Variants in NAP1L1 observed in about 807,000 individuals in gnomAD.
NAP1L1 encodes nucleosome assembly protein 1 like 1.
Under a neutral mutation model 58.9 loss-of-function variants are expected in NAP1L1, and 9 were observed. The observed-to-expected ratio is 0.15, with a 90% CI of 0.09 to 0.27. The LOEUF is 0.27. NAP1L1 is among the 10% of genes least tolerant of loss of function. The pLI is 1.00. For synonymous variants in NAP1L1, 130 were observed against 138.3 expected (o/e 0.94, Z 0.42); for missense variants, 302 against 458.8 (o/e 0.66, Z 3.12).
chr12:76,066,149 C>T (rs894653560), intron 4 of NAP1L1, among the ~76,000 whole-genome samples: 5 of 132,286 alleles, frequency 3.8e-5, no homozygotes, highest in Non-Finnish European at 8.3e-5. Context: ...AACAAACAAA[C>T]AAACAAACCT....
At chr12:76,069,016 C>A (rs374742765) in intron 2 of NAP1L1, 22 bp from the exon 3 acceptor site, 3 of 1,551,236 alleles carry the variant, frequency 1.9e-6, no homozygotes, top group African/African-American at 2.8e-5. Flanking sequence ...TAGTATCACA[C>A]CAAGGTTCAA....
intron 2 of NAP1L1, among the ~76,000 whole-genome samples, chr12:76,073,575 T>C (rs1382217751): frequency 2.0e-5 from 3 of 152,330 alleles, no homozygotes; most frequent in Admixed American, 6.5e-5. Context: ...TCCTATCTTA[T>C]AGCCTTCAAT....
intron 11 of NAP1L1, among the ~76,000 whole-genome samples, chr12:76,051,878 A>G (rs1948848269): frequency 6.6e-6 from 1 of 151,786 alleles, no homozygotes; most frequent in Non-Finnish European, 1.5e-5. Context: ...AGCGAGTTCA[A>G]TGGCACGTGC....
rs777782468 is a variant in NAP1L1 at position 76,048,453 on chromosome 12, G to T, written c.1152C>A (p.Asn384Lys). Residue 384 changes from asparagine (N) to lysine (K), a missense_variant, in exon 15 of 15, where the codon AAC becomes AAA. Coordinates refer to ENST00000618691, the MANE Select transcript of NAP1L1 (RefSeq NM_004537.7). ...TTCACTGCTGCTTGCACTCTGCTGG[G>T]TTTTGATCCTTCTGTTAAAGGAAAA... ...DPDYDPKKDQ[N>K]PAECKQQ 9.3e-6 allele frequency: 15 copies of T among 1,613,706 alleles called. No individual in the cohort carries two copies. The South Asian group carries it at 1.6e-4, about 18-fold the overall frequency.
chr12:76,048,296 T>C lies in NAP1L1; in HGVS notation c.*133A>G, dbSNP rs1948667832. The C allele has an allele frequency of 8.5e-6, 8 of 936,918 alleles. No individual in the cohort carries two copies. Among genetic ancestry groups the C allele is most frequent in the South Asian group, 8.5e-5 (5 of 58,742 alleles). The allele number at this position is 936,918 out of a possible 1,614,324, so 58.0% of individuals were successfully genotyped here. ...GTAGAACAAATTGGTCTTTAAAATA[T>C]CAGTTTCCTGTCCTTTAAAAAAAAA... is the stretch of plus-strand genomic sequence containing the variant. On this transcript the variant is annotated 3_prime_UTR_variant, in exon 15 of 15. Coordinates refer to ENST00000618691, the MANE Select transcript of NAP1L1 (RefSeq NM_004537.7).
intron 6 of NAP1L1, among the ~76,000 whole-genome samples, chr12:76,058,436 G>C (rs1175767802): frequency 6.7e-6 from 1 of 150,116 alleles, no homozygotes. Flanking sequence ...GCCTGGGCTG[G>C]AGCGCAGTGG....
chr12:76,057,472 G>A (rs542224999), intron 6 of NAP1L1: 253 of 640,166 alleles, frequency 4.0e-4, no homozygotes, highest in Non-Finnish European at 6.2e-4. Context: ...TGCATTTGTC[G>A]GCTCAGCTGG....
At chr12:76,052,021 A>AAAT (rs1222361518) in intron 11 of NAP1L1, among the ~76,000 whole-genome samples, 6 of 152,042 alleles carry the variant, frequency 3.9e-5, no homozygotes, top group African/African-American at 1.2e-4. Context: ...CTCAAAAAAA[A>AAAT]AATAATAATA....
intron 6 of NAP1L1, 97 bp from the exon 7 acceptor site, chr12:76,056,258 T>C (rs906028649): frequency 3.0e-5 from 37 of 1,247,524 alleles, no homozygotes; most frequent in Non-Finnish European, 4.1e-5. Context: ...TCACCAGATA[T>C]TACCTTCAAA....
intron 4 of NAP1L1, among the ~76,000 whole-genome samples, chr12:76,061,346 A>C (rs562038064): frequency 1.3e-5 from 2 of 152,246 alleles, no homozygotes; most frequent in Non-Finnish European, 2.9e-5. Context: ...AGTTCTCATC[A>C]TTTAGCTCCT....
At chr12:76,076,549 A>AATATATATATATATATATTATAT (rs1950178366) in intron 1 of NAP1L1, among the ~76,000 whole-genome samples, 1 of 120,610 alleles carries the variant, frequency 8.3e-6, no homozygotes, top group Non-Finnish European at 1.7e-5. Flanking sequence ...TGGATATGGA[A>AATATATATATATATATATTATAT]ATATATATAT....
At chr12:76,055,152 T>G in intron 7 of NAP1L1, 62 bp from the exon 8 acceptor site, 1 of 1,133,168 alleles carries the variant, frequency 8.8e-7, no homozygotes, top group South Asian at 1.4e-5. Context: ...GTTCTGTTAC[T>G]ACACAAACAC....
chr12:76,074,216 C>G lies in NAP1L1; in HGVS notation c.4G>C (p.Ala2Pro). The G allele has an allele frequency of 6.3e-7, 1 of 1,599,060 alleles. No homozygotes were observed. Among genetic ancestry groups the G allele is most frequent in the Non-Finnish European group, 8.5e-7 (1 of 1,172,362 alleles). Reference sequence around the variant, plus strand: ...TCTGCCACTTACTTGTCAATGTCTGCCATGTTGTAAGAACTCCAAATATCT... The same window carrying G: ...TCTGCCACTTACTTGTCAATGTCTGGCATGTTGTAAGAACTCCAAATATCT... M[A>P]DIDNKEQSEL... The change falls in exon 2 of 15, where the codon GCA (alanine) becomes CCA (proline). Residue 2 changes from alanine (A) to proline (P), a missense_variant. By Grantham distance (27) the Ala-to-Pro change is conservative. Transcript: ENST00000618691.
rs1197502542 is a variant in NAP1L1, at chr12:76,074,821, T to A, written c.-20-582A>T. Among the ~76,000 whole-genome samples the A allele has an allele frequency of 2.0e-5, 3 of 152,300 alleles. No individual in the cohort carries two copies. In the East Asian group the frequency reaches 5.8e-4, roughly 29 times the overall value. Reference sequence around the variant, plus strand: ...CTATTTCAAAAGCTCTAGGTCCCAATCTTAATGTTAGGTAAGCCTTCCCTA... The same window carrying A: ...CTATTTCAAAAGCTCTAGGTCCCAAACTTAATGTTAGGTAAGCCTTCCCTA... On this transcript the variant is annotated intron_variant, in intron 1 of 14. Coordinates refer to ENST00000618691, the MANE Select transcript of NAP1L1 (RefSeq NM_004537.7).
chr12:76,045,370 A>G lies in NAP1L1; in HGVS notation c.*3059T>C, dbSNP rs888554699. The stretch of plus-strand genomic sequence containing the variant: ...TAGTTCAATATTTCTACATAGCACG[A>G]TAAGATTTTCAGTTACTTCAAGTTT... On this transcript the variant is annotated 3_prime_UTR_variant, in exon 15 of 15. Transcript: ENST00000618691. 6 of 152,136 alleles carry G rather than the reference A, an allele frequency of 3.9e-5. No individual in the cohort carries two copies. Among genetic ancestry groups the G allele is most frequent in the Admixed American group, 1.3e-4 (2 of 15,272 alleles). 9.4% of individuals were successfully genotyped at this position (152,136 alleles called of 1,614,324 possible). A position where few individuals can be genotyped will look rare whatever the true frequency, so the allele number is the denominator to read the frequency against.
At chr12:76,074,359 T>C (rs1248959976) in intron 1 of NAP1L1, 120 bp from the exon 2 acceptor site, 1 of 1,343,280 alleles carries the variant, frequency 7.4e-7, no homozygotes, top group East Asian at 3.0e-5. Flanking sequence ...GTCTATTTCC[T>C]TTAAAATACT....
chr12:76,050,177 T>C (rs996479201), intron 12 of NAP1L1, among the ~76,000 whole-genome samples: 2 of 152,202 alleles, frequency 1.3e-5, no homozygotes, highest in African/African-American at 4.8e-5. Context: ...CAATACTACC[T>C]TGAATAGAAA....
At chr12:76,062,733 A>G (rs1195595399) in intron 4 of NAP1L1, among the ~76,000 whole-genome samples, 2 of 152,254 alleles carry the variant, frequency 1.3e-5, no homozygotes, top group Non-Finnish European at 2.9e-5. Flanking sequence ...AAAAGCTCTG[A>G]GATATGGACG....
intron 4 of NAP1L1, among the ~76,000 whole-genome samples, chr12:76,066,358 T>C (rs1029784956): frequency 2.6e-5 from 4 of 152,034 alleles, no homozygotes; most frequent in Admixed American, 1.3e-4. Context: ...AAAATAAAAC[T>C]TAACTGTTTA....
Sources: allele counts gnomAD v4.1 joint callset (sites outside exome capture counted in the v4.1 genomes callset), GRCh38; gene constraint gnomAD v4.1.1; transcripts MANE v1.5; gene names NCBI Gene and HGNC (gene_info 2026-07-23, HGNC 2026-07-21).